Variants in AFG2A observed in about 807,000 individuals in gnomAD.
AFG2A encodes the protein ATPase family gene 2 protein homolog A.
chr4:123,003,093 G>A, the AFG2A span, among the ~76,000 whole-genome samples: 127 of 152,034 alleles, frequency 8.4e-4, 1 homozygote, highest in African/African-American at 2.7e-3. Flanking sequence ...CCAGTTGATC[G>A]CATCGGCTCC....
chr4:123,177,004 TG>T, the AFG2A span, among the ~76,000 whole-genome samples: 1 of 152,170 alleles, frequency 6.6e-6, no homozygotes, highest in South Asian at 2.1e-4. Context: ...ATATTTCTTG[TG>T]GGAACTTGAT....
the AFG2A span, among the ~76,000 whole-genome samples, chr4:123,234,872 T>C: frequency 6.6e-6 from 1 of 152,128 alleles, no homozygotes; most frequent in African/African-American, 2.4e-5. Flanking sequence ...TTAACCTCTC[T>C]CTAACTCAGT....
the AFG2A span, chr4:123,319,428 T>C: frequency 6.6e-6 from 1 of 152,238 alleles, no homozygotes; most frequent in African/African-American, 2.4e-5. Context: ...AACACTGCTT[T>C]CCAAATGTGG....
the AFG2A span, among the ~76,000 whole-genome samples, chr4:122,993,755 A>G: frequency 6.6e-6 from 1 of 151,916 alleles, no homozygotes; most frequent in Non-Finnish European, 1.5e-5. Flanking sequence ...TTTTGGAAAG[A>G]TCTTTATTGT....
the AFG2A span, among the ~76,000 whole-genome samples, chr4:123,112,852 A>G: frequency 1.3e-5 from 2 of 152,174 alleles, no homozygotes; most frequent in Non-Finnish European, 2.9e-5. Flanking sequence ...TTGATGAAGT[A>G]AATATCTATA....
At chr4:123,288,034 C>T in the AFG2A span, among the ~76,000 whole-genome samples, 2 of 151,764 alleles carry the variant, frequency 1.3e-5, no homozygotes, top group Non-Finnish European at 2.9e-5. Context: ...TTCTAGAGCC[C>T]AGTTGAAAAA....
At chr4:123,047,394 C>T in the AFG2A span, among the ~76,000 whole-genome samples, 76 of 30,970 alleles carry the variant, frequency 2.5e-3, no homozygotes, top group South Asian at 4.1e-3. Flanking sequence ...CTTTCTTTTG[C>T]GCATTTTTTT....
At chr4:123,203,530 G>A in the AFG2A span, among the ~76,000 whole-genome samples, 4 of 152,126 alleles carry the variant, frequency 2.6e-5, no homozygotes, top group South Asian at 2.1e-4. Flanking sequence ...CACCTGCCTC[G>A]GCCTCCTAAA....
chr4:123,298,422 C>G, the AFG2A span, among the ~76,000 whole-genome samples: 1 of 152,220 alleles, frequency 6.6e-6, no homozygotes, highest in Non-Finnish European at 1.5e-5. Context: ...ACACTGCTTT[C>G]TTTAAGTTCA....
At chr4:122,926,898 A>G in the AFG2A span, among the ~76,000 whole-genome samples, 9 of 152,344 alleles carry the variant, frequency 5.9e-5, no homozygotes, top group East Asian at 1.5e-3. Context: ...TCAAAGCAGT[A>G]TACAATTAAG....
the AFG2A span, among the ~76,000 whole-genome samples, chr4:123,142,065 T>C: frequency 6.6e-6 from 1 of 152,148 alleles, no homozygotes; most frequent in Non-Finnish European, 1.5e-5. Context: ...TAGACACAAC[T>C]GGGACAGCTG....
chr4:123,020,803 A>G, the AFG2A span, among the ~76,000 whole-genome samples: 2 of 152,278 alleles, frequency 1.3e-5, no homozygotes, highest in Non-Finnish European at 2.9e-5. Flanking sequence ...ATTTTCTGTC[A>G]TACAGAGTGT....
chr4:123,049,394 C>T, the AFG2A span, among the ~76,000 whole-genome samples: 1 of 152,004 alleles, frequency 6.6e-6, no homozygotes, highest in Non-Finnish European at 1.5e-5. Flanking sequence ...ATTCTCCCTT[C>T]ATTTTTTTTG....
At chr4:123,020,225 G>A in the AFG2A span, among the ~76,000 whole-genome samples, 5 of 151,752 alleles carry the variant, frequency 3.3e-5, no homozygotes, top group African/African-American at 2.4e-5. Flanking sequence ...ACACACACAC[G>A]AGTATGTCAA....
the AFG2A span, among the ~76,000 whole-genome samples, chr4:123,265,179 T>C: frequency 1.3e-5 from 2 of 152,172 alleles, no homozygotes; most frequent in South Asian, 2.1e-4. Flanking sequence ...GGCCTAGTGA[T>C]TTTTTTACCC....
chr4:123,127,396 T>C, the AFG2A span, among the ~76,000 whole-genome samples: 1 of 152,222 alleles, frequency 6.6e-6, no homozygotes, highest in African/African-American at 2.4e-5. Flanking sequence ...CATAGTTCAT[T>C]CAACTATCTT....
chr4:122,930,034 A>G, the AFG2A span, among the ~76,000 whole-genome samples: 4 of 152,204 alleles, frequency 2.6e-5, no homozygotes, highest in African/African-American at 9.7e-5. Context: ...CTTATTTTAC[A>G]GTTGTAAAGA....
At chr4:123,207,313 C>T in the AFG2A span, among the ~76,000 whole-genome samples, 1 of 110,618 alleles carries the variant, frequency 9.0e-6, no homozygotes, top group African/African-American at 3.4e-5. Context: ...TTTTGTGAGA[C>T]ACGGTCTAGC....
the AFG2A span, among the ~76,000 whole-genome samples, chr4:123,162,440 T>C: frequency 4.6e-5 from 7 of 152,196 alleles, no homozygotes; most frequent in African/African-American, 1.7e-4. Context: ...TGACAAATGT[T>C]TTTAAAAGGG....
Sources: allele counts gnomAD v4.1 joint callset (sites outside exome capture counted in the v4.1 genomes callset), GRCh38; gene constraint gnomAD v4.1.1; transcripts MANE v1.5; gene names NCBI Gene and HGNC (gene_info 2026-07-23, HGNC 2026-07-21).